Variants in FSTL5 observed in about 807,000 individuals in gnomAD.
The protein encoded by FSTL5 is follistatin-related protein 5.
Under a neutral mutation model 89.1 loss-of-function variants are expected in FSTL5, and 62 were observed. That is an observed-to-expected ratio of 0.70 (90% CI 0.57 to 0.86). The LOEUF is 0.86. Among genes scored for constraint, FSTL5 ranks in the 40% least tolerant of loss-of-function variants. The pLI, the probability that FSTL5 is intolerant of heterozygous loss-of-function variation, is 0.00. For synonymous variants in FSTL5, 383 were observed against 346.2 expected, an observed-to-expected ratio of 1.11 and a Z score of -1.18; for missense variants, 1,057 against 1,001.6, an observed-to-expected ratio of 1.06 and a Z score of -0.75.
At chr4:161,796,793 C>T (rs1393688632) in intron 4 of FSTL5, among the ~76,000 whole-genome samples, 1 of 151,492 alleles carries the variant, frequency 6.6e-6, no homozygotes, top group Non-Finnish European at 1.5e-5. Flanking sequence ...AAGAAGTGTA[C>T]TTAAAATCCT....
rs77066590 is a variant in FSTL5, at chr4:161,777,853, G to A, written c.410-1779C>T. Among the ~76,000 whole-genome samples the A allele has an allele frequency of 9.8e-3, 1,497 of 152,218 alleles. 23 individuals are homozygous for A. Among genetic ancestry groups the A allele is most frequent in the East Asian group, 0.031 (159 of 5,166 alleles). On this transcript the variant is annotated intron_variant, in intron 4 of 15. Coordinates refer to ENST00000306100, the MANE Select transcript of FSTL5 (RefSeq NM_020116.5). ...TCATGTCTGTAATCCCAGCACTTTGGAAGGCTGAGGCAGGGGAATCACCTG... is the reference window on the plus strand; with the variant it reads ...TCATGTCTGTAATCCCAGCACTTTGAAAGGCTGAGGCAGGGGAATCACCTG...
intron 6 of FSTL5, among the ~76,000 whole-genome samples, chr4:161,709,928 G>C (rs1396827313): frequency 6.6e-6 from 1 of 152,112 alleles, no homozygotes; most frequent in African/African-American, 2.4e-5. Flanking sequence ...TAATAGCAAA[G>C]ACCATTTTAG....
At chr4:161,845,255 ATTG>A (rs1560877831) in intron 4 of FSTL5, among the ~76,000 whole-genome samples, 1 of 149,856 alleles carries the variant, frequency 6.7e-6, no homozygotes, top group Admixed American at 6.6e-5. Flanking sequence ...CAAATAAAAC[ATTG>A]TTGTTTTTTT....
intron 3 of FSTL5, among the ~76,000 whole-genome samples, chr4:162,027,243 T>C (rs1385577611): frequency 6.6e-6 from 1 of 152,132 alleles, no homozygotes; most frequent in Non-Finnish European, 1.5e-5. Context: ...GGAGAATAAA[T>C]ACTACCCTTA....
At chr4:161,510,530 A>G (rs1730618858) in intron 10 of FSTL5, 106 bp from the exon 11 acceptor site, 2 of 643,650 alleles carry the variant, frequency 3.1e-6, no homozygotes, top group African/African-American at 1.9e-5. Context: ...CTATGATAGA[A>G]TGTGTATATA....
intron 6 of FSTL5, among the ~76,000 whole-genome samples, chr4:161,681,369 A>C (rs184367742): frequency 5.3e-5 from 8 of 152,236 alleles, no homozygotes; most frequent in African/African-American, 1.7e-4. Flanking sequence ...GCATTTTGTC[A>C]ATTTTTTTCT....
chr4:162,152,373 A>C (rs893526137), intron 1 of FSTL5, among the ~76,000 whole-genome samples: 2 of 152,206 alleles, frequency 1.3e-5, no homozygotes, highest in African/African-American at 4.8e-5. Flanking sequence ...CACTTCTTTC[A>C]AGTCTTATTT....
chr4:162,051,283 AT>A, intron 2 of FSTL5, among the ~76,000 whole-genome samples: 1 of 151,562 alleles, frequency 6.6e-6, no homozygotes, highest in African/African-American at 2.4e-5. Context: ...CTAATAAGAG[AT>A]TTAACACTGA....
intron 2 of FSTL5, among the ~76,000 whole-genome samples, chr4:162,067,371 T>A (rs1283526874): frequency 2.6e-5 from 4 of 152,002 alleles, no homozygotes; most frequent in African/African-American, 9.7e-5. Flanking sequence ...GTTTTCTTAT[T>A]GTTGAGTTTT....
chr4:162,122,447 C>A (rs1579045461), intron 1 of FSTL5, among the ~76,000 whole-genome samples: 1 of 152,240 alleles, frequency 6.6e-6, no homozygotes, highest in Middle Eastern at 3.4e-3. Context: ...GATTTCACTT[C>A]ATTTCCTAGT....
chr4:161,949,768 G>GTT (rs34691219), intron 3 of FSTL5, among the ~76,000 whole-genome samples: 9 of 146,350 alleles, frequency 6.1e-5, no homozygotes, highest in Admixed American at 1.4e-4. Context: ...CAAGCTAAAA[G>GTT]TTTTTTTTTT....
chr4:161,577,661 G>C (rs568054227), intron 8 of FSTL5, among the ~76,000 whole-genome samples: 1 of 152,210 alleles, frequency 6.6e-6, no homozygotes, highest in East Asian at 1.9e-4. Flanking sequence ...ATAAAGTAGA[G>C]AACTCTGCAG....
At chr4:161,717,322 G>A (rs1397711481) in intron 6 of FSTL5, among the ~76,000 whole-genome samples, 1 of 152,154 alleles carries the variant, frequency 6.6e-6, no homozygotes, top group African/African-American at 2.4e-5. Context: ...AGATCAATAG[G>A]AAAGGTCATC....
At chr4:161,670,672 C>T (rs1247259852) in intron 6 of FSTL5, among the ~76,000 whole-genome samples, 1 of 152,178 alleles carries the variant, frequency 6.6e-6, no homozygotes, top group Admixed American at 6.5e-5. Flanking sequence ...GCCTTCACTA[C>T]GAAGTTTTAC....
intron 2 of FSTL5, among the ~76,000 whole-genome samples, chr4:162,087,145 C>T (rs938599715): frequency 4.6e-5 from 7 of 152,110 alleles, no homozygotes; most frequent in African/African-American, 4.8e-5. Flanking sequence ...ACACGACTAC[C>T]TTATCTCTGC....
At chr4:161,655,645 T>A (rs1030413134) in intron 7 of FSTL5, among the ~76,000 whole-genome samples, 5 of 152,066 alleles carry the variant, frequency 3.3e-5, no homozygotes, top group Admixed American at 2.6e-4. Flanking sequence ...TAGAAGTAAG[T>A]CTAATTCTAT....
chr4:162,034,769 G>T (rs1737667489), intron 2 of FSTL5, among the ~76,000 whole-genome samples: 1 of 152,078 alleles, frequency 6.6e-6, no homozygotes, highest in Non-Finnish European at 1.5e-5. Flanking sequence ...AAAATATAAA[G>T]AACTGATTTT....
intron 15 of FSTL5, among the ~76,000 whole-genome samples, chr4:161,429,254 G>A (rs1732271209): frequency 6.6e-6 from 1 of 152,146 alleles, no homozygotes; most frequent in Non-Finnish European, 1.5e-5. Flanking sequence ...GCTCTCAGAT[G>A]GTATCTCTGG....
At chr4:162,020,368 C>A (rs932101763) in intron 3 of FSTL5, among the ~76,000 whole-genome samples, 1 of 151,940 alleles carries the variant, frequency 6.6e-6, no homozygotes, top group Non-Finnish European at 1.5e-5. Flanking sequence ...CAAATGATAT[C>A]CTCTAATAGT....
Sources: allele counts gnomAD v4.1 joint callset (sites outside exome capture counted in the v4.1 genomes callset), GRCh38; gene constraint gnomAD v4.1.1; transcripts MANE v1.5; gene names NCBI Gene and HGNC (gene_info 2026-07-23, HGNC 2026-07-21).